The following MAPK8 variants were observed in gnomAD, a reference collection of about 807,000 sequenced individuals.
MAPK8 encodes the protein mitogen-activated protein kinase 8.
In MAPK8, 13 loss-of-function variants were observed where a neutral mutation model predicts 52.9. The ratio of observed to expected loss-of-function variants is 0.25; its 90% CI spans 0.16 to 0.39. The LOEUF (loss-of-function observed/expected upper bound fraction) is 0.39. Among genes scored for constraint, MAPK8 ranks in the 10% least tolerant of loss-of-function variants. The pLI is 1.00. For missense variants in MAPK8, 300 were observed against 519.2 expected (o/e 0.58, Z 4.10); for synonymous variants, 191 against 169.8 (o/e 1.12, Z -0.97).
rs1228940677 is a variant in MAPK8 at position 48,438,658 on chromosome 10, A to G, written c.*3629A>G. The G allele has an allele frequency of 6.6e-6, 1 of 152,194 alleles. No individual in the cohort carries two copies. The highest frequency in any genetic ancestry group is 6.6e-5 in the Admixed American group (1 of 15,260). The allele number at this position is 152,194 out of a possible 1,614,324, so 9.4% of individuals were successfully genotyped here. A position where few individuals can be genotyped will look rare whatever the true frequency, so the allele number is the denominator to read the frequency against. On this transcript the variant is annotated 3_prime_UTR_variant, in exon 12 of 12. Coordinates refer to ENST00000374189, the MANE Select transcript of MAPK8 (RefSeq NM_001323329.2). ...TCACACTAATTTTCTATGCTTTCCC[A>G]AGTAAGCTGTTGCCCTGTTAGATCT...
At chr10:48,370,459 T>C (rs1382305509) in intron 1 of MAPK8, among the ~76,000 whole-genome samples, 3 of 152,124 alleles carry the variant, frequency 2.0e-5, no homozygotes, top group East Asian at 3.8e-4. Flanking sequence ...GAGTAAGATA[T>C]TGACATGATG....
At chr10:48,404,284 G>C (rs1421215330) in intron 2 of MAPK8, among the ~76,000 whole-genome samples, 1 of 151,722 alleles carries the variant, frequency 6.6e-6, no homozygotes, top group Non-Finnish European at 1.5e-5. Flanking sequence ...AGCCTCTCAA[G>C]TAGCTGGGAC....
In MAPK8 at chr10:48,320,211, C is replaced by CTTTTTTTTTTTTT. The variant is rs71026206; in HGVS notation, c.-50+13410_-50+13422dup. On this transcript the variant is annotated intron_variant, in intron 1 of 11. Transcript: ENST00000374189. ...TTTCAGGTGTGAGCCACTGCTCGGC[C>CTTTTTTTTTTTTT]TTTTTTTTTTTTTTTTTTTTTTTTT... Among the ~76,000 whole-genome samples the CTTTTTTTTTTTTT allele has an allele frequency of 1.7e-4, 6 of 35,320 alleles. 2 individuals are homozygous for CTTTTTTTTTTTTT. The highest frequency in any genetic ancestry group is 1.8e-4 in the African/African-American group (2 of 11,046). 23.2% of individuals were successfully genotyped at this position (35,320 alleles called of 152,430 possible).
At chr10:48,330,249 T>C (rs1256285873) in intron 1 of MAPK8, among the ~76,000 whole-genome samples, 2 of 152,238 alleles carry the variant, frequency 1.3e-5, no homozygotes, top group Non-Finnish European at 2.9e-5. Context: ...CAGCATTGCT[T>C]TTTTTGTATA....
At chr10:48,327,182 G>A (rs1273172346) in intron 1 of MAPK8, among the ~76,000 whole-genome samples, 1 of 152,082 alleles carries the variant, frequency 6.6e-6, no homozygotes, top group Non-Finnish European at 1.5e-5. Context: ...TCACCATTAA[G>A]TACTATGTTC....
At chr10:48,418,002 G>C (rs2043154264) in intron 5 of MAPK8, among the ~76,000 whole-genome samples, 1 of 152,170 alleles carries the variant, frequency 6.6e-6, no homozygotes, top group African/African-American at 2.4e-5. Context: ...GTGGATAATA[G>C]TCTGCGTCAC....
chr10:48,334,316 A>AC, intron 1 of MAPK8, among the ~76,000 whole-genome samples: 1 of 151,916 alleles, frequency 6.6e-6, no homozygotes, highest in African/African-American at 2.4e-5. Context: ...CAACTCCCCA[A>AC]CTGGAGGTTT....
intron 1 of MAPK8, among the ~76,000 whole-genome samples, chr10:48,311,900 C>G (rs951189686): frequency 2.6e-5 from 4 of 152,186 alleles, no homozygotes; most frequent in African/African-American, 7.2e-5. Flanking sequence ...CTGAGCATTG[C>G]ACTATACTAA....
At chr10:48,367,238 C>T (rs74652684) in intron 1 of MAPK8, among the ~76,000 whole-genome samples, 5,882 of 152,058 alleles carry the variant, frequency 0.039, 195 homozygotes, top group African/African-American at 0.082. Context: ...TGGTGGTACA[C>T]GCCTGTAGTC....
At chr10:48,322,578 A>G (rs1588936180) in intron 1 of MAPK8, among the ~76,000 whole-genome samples, 1 of 152,290 alleles carries the variant, frequency 6.6e-6, no homozygotes, top group East Asian at 1.9e-4. Flanking sequence ...ATTTACTTCT[A>G]GGTATGACCC....
chr10:48,364,587 C>G (rs1221423067), intron 1 of MAPK8, among the ~76,000 whole-genome samples: 2 of 152,110 alleles, frequency 1.3e-5, no homozygotes, highest in African/African-American at 4.8e-5. Context: ...ATTTGGAAGA[C>G]AAGTACAAAT....
At chr10:48,342,651 A>T (rs6537561) in intron 1 of MAPK8, among the ~76,000 whole-genome samples, 82,054 of 152,002 alleles carry the variant, frequency 0.54, 22,371 homozygotes, top group Middle Eastern at 0.73. Flanking sequence ...ATTTAGAGGG[A>T]AACAGTATAA....
intron 1 of MAPK8, among the ~76,000 whole-genome samples, chr10:48,360,058 T>C (rs922373969): frequency 4.6e-5 from 7 of 152,146 alleles, no homozygotes; most frequent in Non-Finnish European, 8.8e-5. Flanking sequence ...TCCCACTTTC[T>C]TGGGAGGCTG....
At chr10:48,374,036 A>C (rs972789221) in intron 1 of MAPK8, among the ~76,000 whole-genome samples, 2 of 151,742 alleles carry the variant, frequency 1.3e-5, no homozygotes, top group Non-Finnish European at 3.0e-5. Context: ...AACAGAAATC[A>C]TAACAGTCTC....
chr10:48,401,231 G>A (rs1490467139), intron 1 of MAPK8, among the ~76,000 whole-genome samples: 3 of 152,044 alleles, frequency 2.0e-5, no homozygotes, highest in Non-Finnish European at 4.4e-5. Flanking sequence ...CAAAAATTAA[G>A]GTTTTTATTC....
Position 48,319,308 on chromosome 10 carries a change from A to G in MAPK8, c.-50+12487A>G, listed in dbSNP as rs111419660. ...ATATACAGCTCAAAGCTTTTTTAGT[A>G]TATTCCTGGAATAATGGAGCCATCA... On this transcript the variant is annotated intron_variant, in intron 1 of 11. Coordinates refer to ENST00000374189, the MANE Select transcript of MAPK8 (RefSeq NM_001323329.2). Among the ~76,000 whole-genome samples, 529 of 152,250 alleles carry G rather than the reference A, an allele frequency of 3.5e-3. 5 individuals are homozygous for G. The highest frequency in any genetic ancestry group is 0.012 in the African/African-American group (516 of 41,532).
chr10:48,366,202 A>G (rs1481925861), intron 1 of MAPK8, among the ~76,000 whole-genome samples: 2 of 152,094 alleles, frequency 1.3e-5, no homozygotes, highest in Non-Finnish European at 2.9e-5. Flanking sequence ...TGGGAAAAAA[A>G]ATAACTTTGG....
intron 1 of MAPK8, among the ~76,000 whole-genome samples, chr10:48,334,565 G>C (rs1412374328): frequency 6.6e-6 from 1 of 152,144 alleles, no homozygotes; most frequent in African/African-American, 2.4e-5. Flanking sequence ...CACCTCCACT[G>C]CCTCCTGAAT....
chr10:48,367,418 C>CAT (rs974083478), intron 1 of MAPK8, among the ~76,000 whole-genome samples: 3 of 150,626 alleles, frequency 2.0e-5, no homozygotes, highest in Non-Finnish European at 4.4e-5. Context: ...TATATGTTTA[C>CAT]ATATATATAT....
Sources: gnomAD v4.1 joint callset for allele counts (sites outside exome capture counted in the v4.1 genomes callset) on GRCh38, gnomAD v4.1.1 for gene constraint, MANE v1.5 for transcripts, NCBI Gene and HGNC (gene_info 2026-07-23, HGNC 2026-07-21) for gene names.